TRAPPC3L: variants seen among roughly 807,000 people sequenced by gnomAD.
TRAPPC3L encodes the protein trafficking protein particle complex subunit 3-like protein.
Under a neutral mutation model 23.7 loss-of-function variants are expected in TRAPPC3L, and 23 were observed. The ratio of observed to expected loss-of-function variants is 0.97; its 90% CI spans 0.70 to 1.37. TRAPPC3L has a LOEUF of 1.37. Among genes scored for constraint, TRAPPC3L ranks in the 40% most tolerant of loss-of-function variants. The pLI is 0.00. For synonymous variants in TRAPPC3L, 81 were observed against 77.9 expected (o/e 1.04, Z -0.21); for missense variants, 212 against 216.8 (o/e 0.98, Z 0.14).
chr6:116,511,212 T>C (rs1300238867), intron 3 of TRAPPC3L, among the ~76,000 whole-genome samples: 1 of 143,108 alleles, frequency 7.0e-6, no homozygotes, highest in Non-Finnish European at 1.5e-5. Flanking sequence ...AATTTTCATA[T>C]GTTTTTATAT....
intron 3 of TRAPPC3L, among the ~76,000 whole-genome samples, chr6:116,505,763 T>C (rs555664486): frequency 6.6e-6 from 1 of 152,268 alleles, no homozygotes. Flanking sequence ...AAACAAGAAA[T>C]AGGGAAAGGA....
intron 3 of TRAPPC3L, among the ~76,000 whole-genome samples, chr6:116,529,399 C>G (rs954955385): frequency 1.3e-5 from 2 of 152,202 alleles, no homozygotes; most frequent in Admixed American, 6.5e-5. Flanking sequence ...AACAGAGTCA[C>G]AACTGTTGGC....
chr6:116,538,371 G>C (rs962767966), intron 3 of TRAPPC3L, among the ~76,000 whole-genome samples: 3 of 152,188 alleles, frequency 2.0e-5, no homozygotes, highest in African/African-American at 4.8e-5. Flanking sequence ...TGTAATTCCA[G>C]CTTCTCAGCA....
chr6:116,500,935 G>A (rs1422434145), intron 3 of TRAPPC3L, among the ~76,000 whole-genome samples: 2 of 152,196 alleles, frequency 1.3e-5, no homozygotes, highest in African/African-American at 4.8e-5. Flanking sequence ...GGAGAAGATG[G>A]GTAATTTCTG....
intron 3 of TRAPPC3L, among the ~76,000 whole-genome samples, chr6:116,507,846 A>G (rs1772033846): frequency 6.6e-6 from 1 of 152,204 alleles, no homozygotes; most frequent in Non-Finnish European, 1.5e-5. Flanking sequence ...TACAATGTGG[A>G]AATGGAAGAA....
chr6:116,503,328 T>C (rs1771950332), intron 3 of TRAPPC3L, among the ~76,000 whole-genome samples: 6 of 152,118 alleles, frequency 3.9e-5, no homozygotes, highest in Admixed American at 3.3e-4. Flanking sequence ...GAGCTAACTA[T>C]CCTAAATATA....
intron 4 of TRAPPC3L, 131 bp downstream of exon 4, chr6:116,500,350 G>A: frequency 1.2e-6 from 1 of 808,396 alleles, no homozygotes; most frequent in Non-Finnish European, 1.9e-6. Context: ...GCTACATTTT[G>A]GGGGTAATTT....
At chr6:116,521,862 A>T (rs1332217858) in intron 3 of TRAPPC3L, 1 of 152,218 alleles carries the variant, frequency 6.6e-6, no homozygotes, top group African/African-American at 2.4e-5. Context: ...TATGGCAGAC[A>T]TGAGGTAGAT....
chr6:116,506,039 G>T (rs1003032400), intron 3 of TRAPPC3L, among the ~76,000 whole-genome samples: 2 of 152,288 alleles, frequency 1.3e-5, no homozygotes, highest in Non-Finnish European at 2.9e-5. Context: ...AAACTAAAGA[G>T]CTTCTAACAC....
intron 3 of TRAPPC3L, among the ~76,000 whole-genome samples, chr6:116,512,797 A>T (rs1368380783): frequency 6.6e-6 from 1 of 152,184 alleles, no homozygotes; most frequent in Non-Finnish European, 1.5e-5. Context: ...TTTTCCTTGT[A>T]TGGTAGGAAT....
At chr6:116,511,682 C>T (rs768789461) in intron 3 of TRAPPC3L, 19 of 1,608,696 alleles carry the variant, frequency 1.2e-5, no homozygotes, top group African/African-American at 4.0e-5. Flanking sequence ...CATTTTCCCT[C>T]TGTGCATCTC....
Position 116,496,799 on chromosome 6 carries a change from A to C in TRAPPC3L, c.*155T>G. Reference sequence around the variant, plus strand: ...GATTTATAAGCAAAAGGAAAAAAAAACCTTTAAGCCTTCATGCCCTGCATT... The same window carrying C: ...GATTTATAAGCAAAAGGAAAAAAAACCCTTTAAGCCTTCATGCCCTGCATT... On this transcript the variant is annotated 3_prime_UTR_variant, in exon 5 of 5. Coordinates refer to ENST00000368602, the MANE Select transcript of TRAPPC3L (RefSeq NM_001139444.3). 1 of 1,076,502 alleles carries C rather than the reference A, an allele frequency of 9.3e-7. No homozygotes were observed. The highest frequency in any genetic ancestry group is 1.2e-6 in the Non-Finnish European group (1 of 801,950). 66.7% of individuals were successfully genotyped at this position (1,076,502 alleles called of 1,614,324 possible).
chr6:116,529,014 G>A (rs1021082428), intron 3 of TRAPPC3L: 2 of 152,238 alleles, frequency 1.3e-5, no homozygotes, highest in Non-Finnish European at 2.9e-5. Context: ...CATATACGGT[G>A]TTTTACCCTT....
In TRAPPC3L at chr6:116,502,421, G is replaced by A. The variant is rs554923081; in HGVS notation, c.241-1755C>T. On this transcript the variant is annotated intron_variant, in intron 3 of 4. Coordinates refer to ENST00000368602, the MANE Select transcript of TRAPPC3L (RefSeq NM_001139444.3). ...TGATCAGTGTACCTGAAAGTGACGG[G>A]GAGAATGGAACCAAGTTAGAAAACA... Among the ~76,000 whole-genome samples, 16 of 152,296 alleles carry A rather than the reference G, an allele frequency of 1.1e-4. No homozygotes were observed. The East Asian group carries it at 2.5e-3, about 24-fold the overall frequency.
At chr6:116,516,157 G>T in intron 3 of TRAPPC3L, 1 of 848,972 alleles carries the variant, frequency 1.2e-6, no homozygotes, top group Non-Finnish European at 1.7e-6. Context: ...GGAACATCAG[G>T]ATGTGCTCAA....
rs529152416 is a variant in TRAPPC3L, at chr6:116,535,788, C to A, written c.240+4575G>T. Among the ~76,000 whole-genome samples the A allele has an allele frequency of 1.0e-3, 159 of 152,206 alleles. 1 individual carries two copies. The highest frequency in any genetic ancestry group is 3.6e-3 in the African/African-American group (151 of 41,528). ...AACAGTTACCATAGTAGAAAAATAT[C>A]TTTAAAGATATATTTTAAACAATTA... On this transcript the variant is annotated intron_variant, in intron 3 of 4. Coordinates refer to ENST00000368602, the MANE Select transcript of TRAPPC3L (RefSeq NM_001139444.3).
chr6:116,499,148 C>A (rs556209137), intron 4 of TRAPPC3L, among the ~76,000 whole-genome samples: 1 of 152,184 alleles, frequency 6.6e-6, no homozygotes, highest in East Asian at 1.9e-4. Flanking sequence ...ATAGTACAAC[C>A]ATCTCTACAG....
rs542306692 is a variant in TRAPPC3L at position 116,545,684 on chromosome 6, G to T, written c.-170C>A. On this transcript the variant is annotated 5_prime_UTR_variant, in exon 1 of 5. Coordinates refer to ENST00000368602, the MANE Select transcript of TRAPPC3L (RefSeq NM_001139444.3). ...TTTTGCTCTTTGCTGAGCTGAAGAG[G>T]GAAAAAAACCATGAACAACAGGATT... 1.1e-5 allele frequency: 5 copies of T among 456,262 alleles called. No homozygotes were observed. In the East Asian group the frequency reaches 1.4e-4, roughly 13 times the overall value. 28.3% of individuals were successfully genotyped at this position (456,262 alleles called of 1,614,324 possible).
At position 116,496,803 on chromosome 6, in the gene TRAPPC3L, T is replaced by G; in HGVS notation, c.*151A>C. On this transcript the variant is annotated 3_prime_UTR_variant, in exon 5 of 5. Coordinates refer to ENST00000368602, the MANE Select transcript of TRAPPC3L (RefSeq NM_001139444.3). ...TATAAGCAAAAGGAAAAAAAAACCT[T>G]TAAGCCTTCATGCCCTGCATTTCAA... The G allele has an allele frequency of 2.6e-6, 3 of 1,137,340 alleles. No homozygotes were observed. The highest frequency in any genetic ancestry group is 3.5e-6 in the Non-Finnish European group (3 of 854,314). The allele number at this position is 1,137,340 out of a possible 1,614,324, so 70.5% of individuals were successfully genotyped here. A position where few individuals can be genotyped will look rare whatever the true frequency, so the allele number is the denominator to read the frequency against.
Sources: allele counts gnomAD v4.1 joint callset (sites outside exome capture counted in the v4.1 genomes callset), GRCh38; gene constraint gnomAD v4.1.1; transcripts MANE v1.5; gene names NCBI Gene and HGNC (gene_info 2026-07-23, HGNC 2026-07-21).